The following SP3 variants were observed in gnomAD, a reference collection of about 807,000 sequenced individuals.
SP3 encodes transcription factor Sp3.
Under a neutral mutation model 70.3 loss-of-function variants are expected in SP3, and 10 were observed. That is an observed-to-expected ratio of 0.14 (90% CI 0.09 to 0.24). The LOEUF is 0.24. SP3 is among the 10% of genes least tolerant of loss of function. The probability of loss-of-function intolerance (pLI) is 1.00; values close to 1 mark genes in which losing one functional copy is unlikely to be tolerated. For synonymous variants in SP3, 402 were observed against 333.5 expected, an observed-to-expected ratio of 1.21 and a Z score of -2.24; for missense variants, 825 against 914.6, an observed-to-expected ratio of 0.90 and a Z score of 1.26.
intron 4 of SP3, among the ~76,000 whole-genome samples, chr2:173,941,425 T>C (rs866581776): frequency 2.0e-4 from 30 of 152,294 alleles, no homozygotes; most frequent in South Asian, 2.1e-4. Context: ...CTGGTCAACG[T>C]GGCAAAACCC....
intron 4 of SP3, among the ~76,000 whole-genome samples, chr2:173,929,841 T>G (rs574216140): frequency 1.3e-5 from 2 of 152,350 alleles, no homozygotes; most frequent in African/African-American, 2.4e-5. Flanking sequence ...AAGATCATTA[T>G]GTATCAAGCA....
intron 3 of SP3, among the ~76,000 whole-genome samples, chr2:173,960,480 G>T (rs1450160335): frequency 6.6e-6 from 1 of 152,162 alleles, no homozygotes; most frequent in Non-Finnish European, 1.5e-5. Context: ...AGCACTAAAA[G>T]AACTCAGACT....
upstream of SP3, chr2:173,965,418 G>A (rs1486293886): frequency 9.2e-6 from 5 of 543,226 alleles, no homozygotes; most frequent in Non-Finnish European, 9.8e-6. Context: ...CTCATTCGCC[G>A]CCGTGCTCTT....
In SP3 at chr2:173,906,493, T is replaced by C. The variant is rs2105448475; in HGVS notation, c.*3448A>G. On this transcript the variant is annotated 3_prime_UTR_variant, in exon 7 of 7. Transcript: ENST00000310015. ...AACATACTGTTTAGTGAAAAATAATTCTTTTACAACAAAAACGATTGTTAC... is the reference window on the plus strand; with the variant it reads ...AACATACTGTTTAGTGAAAAATAATCCTTTTACAACAAAAACGATTGTTAC... 1 of 152,308 alleles carries C rather than the reference T, an allele frequency of 6.6e-6. No individual in the cohort carries two copies. Among genetic ancestry groups the C allele is most frequent in the East Asian group, 1.9e-4 (1 of 5,194 alleles). The allele number at this position is 152,308 out of a possible 1,614,324, so 9.4% of individuals were successfully genotyped here.
intron 4 of SP3, among the ~76,000 whole-genome samples, chr2:173,946,717 C>A (rs976600706): frequency 7.1e-6 from 1 of 140,782 alleles, no homozygotes; most frequent in African/African-American, 2.6e-5. Context: ...AAAGAAAGAT[C>A]TGCCTTTTTT....
rs201676232 is a variant in SP3, at chr2:173,955,791, T to C, written c.721A>G (p.Ile241Val). ...TGACCAGGAAAAGATGAACCACCAA[T>C]TGCAACTCCCTGAACCTGGACTTGA... ...TGQVQVQGVA[I>V]GGSSFPGQTQ... Residue 241 changes from isoleucine to valine, a missense_variant, in exon 4 of 7, where the codon ATT (isoleucine) becomes GTT (valine). Transcript: ENST00000310015. The C allele has an allele frequency of 3.4e-5, 55 of 1,614,070 alleles. No individual in the cohort carries two copies. Among genetic ancestry groups the C allele is most frequent in the Middle Eastern group, 1.6e-4 (1 of 6,082 alleles).
intron 4 of SP3, among the ~76,000 whole-genome samples, chr2:173,928,517 A>G (rs1003255883): frequency 6.6e-6 from 1 of 151,054 alleles, no homozygotes; most frequent in Admixed American, 6.6e-5. Flanking sequence ...AAAAAAAAAA[A>G]GCAGAACTGC....
chr2:173,952,466 C>T (rs1430216927), intron 4 of SP3, among the ~76,000 whole-genome samples: 2 of 152,116 alleles, frequency 1.3e-5, no homozygotes, highest in Non-Finnish European at 2.9e-5. Flanking sequence ...AATTGGGACT[C>T]TCAACACATT....
intron 5 of SP3, chr2:173,914,999 C>T (rs1689586210): frequency 6.6e-6 from 1 of 152,112 alleles, no homozygotes; most frequent in Non-Finnish European, 1.5e-5. Context: ...TTATTTCATG[C>T]CTCTCCTCTA....
intron 4 of SP3, among the ~76,000 whole-genome samples, chr2:173,944,859 G>C (rs986986749): frequency 2.6e-5 from 4 of 151,852 alleles, no homozygotes; most frequent in Non-Finnish European, 5.9e-5. Flanking sequence ...GTTCATGCCT[G>C]TAATCCCAGC....
Position 173,935,719 on chromosome 2 carries a change from T to C in SP3, c.1640-16934A>G, listed in dbSNP as rs1053769316. On this transcript the variant is annotated intron_variant, in intron 4 of 6. Coordinates refer to ENST00000310015, the MANE Select transcript of SP3 (RefSeq NM_003111.5). ...CATCTCCTACAGAATTCCATTCCTT[T>C]GTCCTAGGCTCAGCCCTCCATCTCT... is the stretch of plus-strand genomic sequence containing the variant. Among the ~76,000 whole-genome samples the C allele has an allele frequency of 3.3e-5, 5 of 152,232 alleles. No homozygotes were observed. In the East Asian group the frequency reaches 9.6e-4, roughly 29 times the overall value.
intron 3 of SP3, chr2:173,963,403 G>T (rs1042563925): frequency 1.3e-5 from 2 of 152,286 alleles, no homozygotes; most frequent in African/African-American, 4.8e-5. Flanking sequence ...GCCTCTAGTT[G>T]ATACTATCTA....
chr2:173,905,748 C>G lies in SP3; in HGVS notation c.*4193G>C, dbSNP rs1265101540. On this transcript the variant is annotated 3_prime_UTR_variant, in exon 7 of 7. Coordinates refer to ENST00000310015, the MANE Select transcript of SP3 (RefSeq NM_003111.5). ...GCGTGGTGGCTCACGCCTATAATCC[C>G]AACACTTTGGGAGGCAGAGGTGGAA... Among the ~76,000 whole-genome samples, 1 of 152,014 alleles carries G rather than the reference C, an allele frequency of 6.6e-6. No individual in the cohort carries two copies. The highest frequency in any genetic ancestry group is 1.5e-5 in the Non-Finnish European group (1 of 68,028).
At position 173,918,582 on chromosome 2, in the gene SP3, T is replaced by G. The variant is rs1274659787; in HGVS notation, c.1832+11A>C. 1.2e-6 allele frequency: 2 copies of G among 1,610,326 alleles called. No homozygotes were observed. Among genetic ancestry groups the G allele is most frequent in the East Asian group, 4.5e-5 (2 of 44,854 alleles). On this transcript the variant is annotated intron_variant, in intron 5 of 6. Transcript: ENST00000310015. Reference sequence around the variant, plus strand: ...CTCTTAAAAATATATATGTGTTTCATGTATGCATACCTTCCACCACCTTCT... The same window carrying G: ...CTCTTAAAAATATATATGTGTTTCAGGTATGCATACCTTCCACCACCTTCT...
chr2:173,931,335 C>T (rs930243730), intron 4 of SP3, among the ~76,000 whole-genome samples: 4 of 120,796 alleles, frequency 3.3e-5, no homozygotes, highest in Non-Finnish European at 6.7e-5. Context: ...TCGAGACCAG[C>T]CTGGCATTTT....
chr2:173,932,993 A>T (rs1289617051), intron 4 of SP3, among the ~76,000 whole-genome samples: 1 of 152,284 alleles, frequency 6.6e-6, no homozygotes, highest in East Asian at 1.9e-4. Context: ...ACTGTCTCAA[A>T]AACAAAAATA....
rs748554506 is a variant in SP3, at chr2:173,956,112, T to C, written c.400A>G (p.Thr134Ala). ...GGAAGAACATACTGCCCACTTGAAG[T>C]AGCAGCACTTGGAATCTGGACTAGA... ...GNLVQIPSAA[T>A]SSGQYVLPLQ... Residue 134 changes from threonine (T) to alanine (A), a missense_variant, in exon 4 of 7, where the codon ACT becomes GCT. Physicochemically the swap from Thr to Ala is moderately conservative, Grantham distance 58 (BLOSUM62 0). Transcript: ENST00000310015. 14 of 1,614,074 alleles carry C rather than the reference T, an allele frequency of 8.7e-6. No homozygotes were observed. Among genetic ancestry groups the C allele is most frequent in the African/African-American group, 1.3e-5 (1 of 74,932 alleles).
intron 4 of SP3, among the ~76,000 whole-genome samples, chr2:173,919,176 A>G (rs1481392426): frequency 6.6e-6 from 1 of 151,834 alleles, no homozygotes; most frequent in Non-Finnish European, 1.5e-5. Context: ...TTATGTGCAA[A>G]TAATACATAA....
chr2:173,932,720 C>G (rs1003456837), intron 4 of SP3, among the ~76,000 whole-genome samples: 1 of 152,130 alleles, frequency 6.6e-6, no homozygotes, highest in African/African-American at 2.4e-5. Context: ...AGGTCGGGCG[C>G]AGTGGCTCAC....
Sources: allele counts gnomAD v4.1 joint callset (sites outside exome capture counted in the v4.1 genomes callset), GRCh38; gene constraint gnomAD v4.1.1; transcripts MANE v1.5; gene names NCBI Gene and HGNC (gene_info 2026-07-23, HGNC 2026-07-21).